Variants in SH3GL1 observed in about 807,000 individuals in gnomAD.
SH3GL1 encodes the protein endophilin-A2.
SH3GL1 carries 21 observed loss-of-function variants against 48.8 expected under a neutral mutation model. That is an observed-to-expected ratio of 0.43 (90% CI 0.30 to 0.62). SH3GL1 has a LOEUF of 0.62. SH3GL1 is among the 20% of genes least tolerant of loss of function. The pLI, the probability that SH3GL1 is intolerant of heterozygous loss-of-function variation, is 0.11. For missense variants in SH3GL1, 454 were observed against 503.0 expected (o/e 0.90, Z 0.93); for synonymous variants, 282 against 217.5 (o/e 1.30, Z -2.61).
chr19:4,366,467 T>TG, intron 3 of SH3GL1, 34 bp downstream of exon 3: 1 of 1,561,288 alleles, frequency 6.4e-7, no homozygotes, highest in Non-Finnish European at 8.8e-7. Context: ...CCAGAGGGCC[T>TG]GGGGCAGGCC....
chr19:4,375,231 G>A (rs867286698), intron 1 of SH3GL1, among the ~76,000 whole-genome samples: 14 of 151,746 alleles, frequency 9.2e-5, no homozygotes, highest in African/African-American at 3.4e-4. Context: ...GGGCCCTCCA[G>A]CCCCCACCTG....
chr19:4,364,473 C>T (rs994729571), intron 4 of SH3GL1: 1 of 506,934 alleles, frequency 2.0e-6, no homozygotes, highest in Non-Finnish European at 3.6e-6. Flanking sequence ...CGCTGTTGCC[C>T]AGGCTGCAGT....
At chr19:4,391,472 G>A (rs1054300551) in intron 1 of SH3GL1, among the ~76,000 whole-genome samples, 1 of 152,350 alleles carries the variant, frequency 6.6e-6, no homozygotes, top group East Asian at 1.9e-4. Context: ...TTCTGAGTCA[G>A]AGACAAACTT....
intron 2 of SH3GL1, among the ~76,000 whole-genome samples, 168 bp from the exon 3 acceptor site, chr19:4,366,741 G>A (rs1402041047): frequency 1.3e-5 from 2 of 151,978 alleles, no homozygotes; most frequent in East Asian, 1.9e-4. Context: ...GCCCACGGCA[G>A]GGGAGAGAGC....
At chr19:4,393,385 TGAG>T (rs748018431) in intron 1 of SH3GL1, among the ~76,000 whole-genome samples, 2 of 151,622 alleles carry the variant, frequency 1.3e-5, no homozygotes, top group African/African-American at 2.4e-5. Context: ...TTTGAGAGAA[TGAG>T]GAGACAAGAT....
intron 1 of SH3GL1, among the ~76,000 whole-genome samples, chr19:4,397,517 G>A (rs184500204): frequency 3.9e-5 from 6 of 152,194 alleles, no homozygotes; most frequent in African/African-American, 1.2e-4. Context: ...CGCTGGGAGT[G>A]GGGGTGGTGG....
At chr19:4,379,902 G>A (rs555961558) in intron 1 of SH3GL1, among the ~76,000 whole-genome samples, 1 of 152,338 alleles carries the variant, frequency 6.6e-6, no homozygotes, top group East Asian at 1.9e-4. Flanking sequence ...AAGGACAAGG[G>A]ACTGGTGCTG....
At position 4,365,553 on chromosome 19, in the gene SH3GL1, G is replaced by A. The variant is rs774126153; in HGVS notation, c.260C>T (p.Pro87Leu). 12 of 1,613,968 alleles carry A rather than the reference G, an allele frequency of 7.4e-6. No homozygotes were observed. Among genetic ancestry groups the A allele is most frequent in the Admixed American group, 6.7e-5 (4 of 60,004 alleles). The change falls in exon 4 of 10, where the codon CCG becomes CTG. Residue 87 changes from proline (P) to leucine (L), a missense_variant. By Grantham distance (98) the Pro-to-Leu change is moderately conservative (BLOSUM62 -3). This residue lies in a region of SH3GL1 where 176 missense variants were observed against 256.2 expected (regional missense o/e 0.69). Coordinates refer to ENST00000269886, the MANE Select transcript of SH3GL1 (RefSeq NM_003025.4). ...CTCGCCCAGAAGCCCCTCCGACTGC[G>A]GGTAGCCGGGGTTCTTCACCTGGCC... is the stretch of plus-strand genomic sequence containing the variant. ...IRGQVKNPGY[P>L]QSEGLLGECM...
At chr19:4,392,245 G>C (rs1205431597) in intron 1 of SH3GL1, among the ~76,000 whole-genome samples, 2 of 152,238 alleles carry the variant, frequency 1.3e-5, no homozygotes, top group Admixed American at 1.3e-4. Flanking sequence ...TGTATCTTAA[G>C]ATTATTCCCA....
chr19:4,373,894 C>T (rs1972953373), intron 1 of SH3GL1, among the ~76,000 whole-genome samples: 2 of 152,216 alleles, frequency 1.3e-5, no homozygotes, highest in South Asian at 4.1e-4. Flanking sequence ...TGGTGCGGCC[C>T]GGCCACCGCA....
intron 1 of SH3GL1, among the ~76,000 whole-genome samples, chr19:4,384,232 G>A (rs1446640195): frequency 6.6e-6 from 1 of 152,198 alleles, no homozygotes; most frequent in Admixed American, 6.5e-5. Flanking sequence ...CAGAGCTGAT[G>A]GCGCAGGAGC....
chr19:4,362,371 G>C lies in SH3GL1; in HGVS notation c.868C>G (p.Arg290Gly). Residue 290 changes from arginine to glycine, a missense_variant, in exon 9 of 10, where the codon CGA becomes GGA. Arg to Gly is a moderately radical substitution (Grantham distance 125, BLOSUM62 -2). This residue lies in a region of SH3GL1 where 278 missense variants were observed against 246.8 expected (regional missense o/e 1.13). Transcript: ENST00000269886. ...GTCCGGATGGGCTTGTCGGAAGATC[G>C]GAAAGACGATGAAGCTAAACACAAG... The part of the protein sequence containing the change: ...APKIAASSSF[R>G]SSDKPIRTPS... 1 of 1,611,924 alleles carries C rather than the reference G, an allele frequency of 6.2e-7. No individual in the cohort carries two copies.
chr19:4,364,853 C>G (rs910355811), intron 4 of SH3GL1, among the ~76,000 whole-genome samples: 10 of 125,482 alleles, frequency 8.0e-5, no homozygotes, highest in Admixed American at 7.7e-4. Context: ...CATGCACTAC[C>G]ACACCCGGCT....
chr19:4,369,999 C>T (rs1972864107), intron 1 of SH3GL1, among the ~76,000 whole-genome samples: 1 of 151,886 alleles, frequency 6.6e-6, no homozygotes, highest in African/African-American at 2.4e-5. Context: ...GCGTGGGCTC[C>T]TGCCCGCTGG....
At chr19:4,388,542 A>C (rs1973277252) in intron 1 of SH3GL1, among the ~76,000 whole-genome samples, 1 of 152,262 alleles carries the variant, frequency 6.6e-6, no homozygotes, top group African/African-American at 2.4e-5. Flanking sequence ...GCAACTGGGC[A>C]CAGAGGCCAG....
intron 1 of SH3GL1, among the ~76,000 whole-genome samples, chr19:4,385,399 G>C (rs945981155): frequency 2.6e-5 from 4 of 152,194 alleles, no homozygotes; most frequent in African/African-American, 9.6e-5. Flanking sequence ...TGTGGCCCAG[G>C]GAATGTGTTC....
In SH3GL1 at chr19:4,363,762, C is replaced by G; in HGVS notation, c.582G>C (p.Lys194Asn). Residue 194 changes from lysine (K) to asparagine (N), a missense_variant, in exon 6 of 10, where the codon AAG (lysine) becomes AAC (asparagine). Lys to Asn is a moderately conservative substitution (Grantham distance 94, BLOSUM62 0). Transcript: ENST00000269886. ...RQALEKFEES[K>N]EVAETSMHNL... ...TGTGCATGCTGGTTTCTGCCACCTC[C>G]TTGGACTCCTCGAACTTCTCCAGCG... 1 of 1,613,872 alleles carries G rather than the reference C, an allele frequency of 6.2e-7. No homozygotes were observed. The highest frequency in any genetic ancestry group is 1.1e-5 in the South Asian group (1 of 91,066).
chr19:4,364,693 T>G (rs1972722801), intron 4 of SH3GL1: 1 of 162,204 alleles, frequency 6.2e-6, no homozygotes, highest in East Asian at 1.8e-4. Flanking sequence ...CCTCCCAAAG[T>G]GTTGGGATTA....
chr19:4,362,413 T>C (rs769658801), intron 8 of SH3GL1, 28 bp from the exon 9 acceptor site: 10 of 1,604,048 alleles, frequency 6.2e-6, no homozygotes, highest in Middle Eastern at 1.7e-4. Flanking sequence ...GAGGAGGCTG[T>C]GGGCTCAAAA....
Sources: gnomAD v4.1 joint callset for allele counts (sites outside exome capture counted in the v4.1 genomes callset) on GRCh38, gnomAD v4.1.1 for gene constraint, gnomAD v4.1.1 regional missense constraint, MANE v1.5 for transcripts, NCBI Gene and HGNC (gene_info 2026-07-23, HGNC 2026-07-21) for gene names.